Variants in WWOX observed in about 807,000 individuals in gnomAD.
WWOX encodes the protein WW domain-containing oxidoreductase.
In WWOX, 69 loss-of-function variants were observed where a neutral mutation model predicts 46.2. That is an observed-to-expected ratio of 1.49 (90% CI 1.23 to 1.82). WWOX has a LOEUF of 1.82. Among genes scored for constraint, WWOX ranks in the 40% most tolerant of loss-of-function variants. The pLI is 0.00. For missense variants in WWOX, 919 were observed against 542.6 expected (o/e 1.69, Z -6.89); for synonymous variants, 359 against 202.6 (o/e 1.77, Z -6.56).
At chr16:79,074,055 T>C (rs1265952707) in intron 8 of WWOX, among the ~76,000 whole-genome samples, 1 of 152,104 alleles carries the variant, frequency 6.6e-6, no homozygotes, top group Non-Finnish European at 1.5e-5. Flanking sequence ...ATACAGTACT[T>C]CTGCTACGAG....
intron 5 of WWOX, among the ~76,000 whole-genome samples, chr16:78,331,348 T>G (rs1371122177): frequency 6.6e-6 from 1 of 152,210 alleles, no homozygotes; most frequent in African/African-American, 2.4e-5. Flanking sequence ...TGTGTAATTT[T>G]TGCAACTTAT....
At chr16:78,659,429 A>G (rs2047160723) in intron 8 of WWOX, among the ~76,000 whole-genome samples, 1 of 152,068 alleles carries the variant, frequency 6.6e-6, no homozygotes, top group African/African-American at 2.4e-5. Flanking sequence ...CCACCCCGCC[A>G]GACTTCCTGA....
intron 8 of WWOX, among the ~76,000 whole-genome samples, chr16:78,721,233 C>T (rs190116728): frequency 3.9e-4 from 49 of 126,068 alleles, no homozygotes; most frequent in Non-Finnish European, 3.1e-4. Flanking sequence ...TGATATGCCC[C>T]ATGTCTAAGA....
intron 5 of WWOX, among the ~76,000 whole-genome samples, chr16:78,206,152 A>G (rs1319233594): frequency 6.6e-6 from 1 of 152,038 alleles, no homozygotes; most frequent in Admixed American, 6.6e-5. Flanking sequence ...ACTATGTTCT[A>G]TTGGGAACCA....
At chr16:78,347,291 C>A (rs568355547) in intron 5 of WWOX, among the ~76,000 whole-genome samples, 1 of 116,314 alleles carries the variant, frequency 8.6e-6, no homozygotes, top group Non-Finnish European at 2.0e-5. Context: ...AATGCTCCTT[C>A]CCCTGTAGAT....
In WWOX at chr16:78,404,718, G is replaced by A. The variant is rs1490436773; in HGVS notation, c.605+17770G>A. 1.3e-5 allele frequency among the ~76,000 whole-genome samples: 2 copies of A among 152,182 alleles called. 1 individual carries two copies. Among genetic ancestry groups the A allele is most frequent in the African/African-American group, 4.8e-5 (2 of 41,452 alleles). ...AGGGCACTATGTTGAAGTGAGGCTAGTAGGTCATGAGTGTGGTTGAAGTTA... is the reference window on the plus strand; with the variant it reads ...AGGGCACTATGTTGAAGTGAGGCTAATAGGTCATGAGTGTGGTTGAAGTTA... On this transcript the variant is annotated intron_variant, in intron 6 of 8. Transcript: ENST00000566780.
intron 8 of WWOX, among the ~76,000 whole-genome samples, chr16:78,665,032 G>T (rs573534581): frequency 2.6e-5 from 4 of 152,224 alleles, no homozygotes; most frequent in Non-Finnish European, 5.9e-5. Context: ...TCATCAGCCT[G>T]CATCCTGTTC....
intron 8 of WWOX, among the ~76,000 whole-genome samples, chr16:79,111,276 C>G (rs955290257): frequency 6.6e-6 from 1 of 152,238 alleles, no homozygotes; most frequent in Non-Finnish European, 1.5e-5. Flanking sequence ...GACACTGTAT[C>G]TGCAGATTCC....
chr16:79,097,057 G>T (rs554792332), intron 8 of WWOX, among the ~76,000 whole-genome samples: 1 of 151,984 alleles, frequency 6.6e-6, no homozygotes, highest in Non-Finnish European at 1.5e-5. Context: ...AAAAGGTCAG[G>T]TTGGATTTTT....
At chr16:78,415,080 ATATATATAATTATAATACAATAT>A (rs925898405) in intron 6 of WWOX, among the ~76,000 whole-genome samples, 13 of 143,844 alleles carry the variant, frequency 9.0e-5, no homozygotes, top group Non-Finnish European at 1.4e-4. Flanking sequence ...TTTTAATATA[ATATATATAATTATAATACAATAT>A]TATATATAAT....
intron 8 of WWOX, among the ~76,000 whole-genome samples, chr16:79,173,144 T>A (rs2150771838): frequency 6.6e-6 from 1 of 152,350 alleles, no homozygotes; most frequent in South Asian, 2.1e-4. Flanking sequence ...CACACATGTG[T>A]GCCCATGTCT....
rs79540777 is a variant in WWOX at position 78,630,466 on chromosome 16, G to T, written c.1056+197714G>T. On this transcript the variant is annotated intron_variant, in intron 8 of 8. Coordinates refer to ENST00000566780, the MANE Select transcript of WWOX (RefSeq NM_016373.4). ...TATATGCTACAGAGAGGGTGCCTAC[G>T]TGGCCAACTTCCAATAAAAACTGTG... Among the ~76,000 whole-genome samples the T allele has an allele frequency of 3.6e-4, 55 of 152,236 alleles. 1 individual carries two copies. In the East Asian group the frequency reaches 0.01, roughly 28 times the overall value.
At chr16:79,150,822 G>A (rs568211096) in intron 8 of WWOX, among the ~76,000 whole-genome samples, 19 of 152,122 alleles carry the variant, frequency 1.2e-4, no homozygotes, top group Non-Finnish European at 2.6e-4. Context: ...TATCCGATTT[G>A]TAAATGGTGG....
At chr16:78,411,412 A>G (rs1038138899) in intron 6 of WWOX, among the ~76,000 whole-genome samples, 4 of 152,146 alleles carry the variant, frequency 2.6e-5, no homozygotes, top group South Asian at 2.1e-4. Context: ...TTTGAGCAAA[A>G]CCTTGAAGAA....
In WWOX at chr16:78,484,908, C is replaced by T. The variant is rs573092046; in HGVS notation, c.1056+52156C>T. Among the ~76,000 whole-genome samples, 7 of 152,206 alleles carry T rather than the reference C, an allele frequency of 4.6e-5. 1 individual carries two copies. The highest frequency in any genetic ancestry group is 1.4e-4 in the African/African-American group (6 of 41,544). ...ACATCAAGGCTGGGAGGAGGTCTTT[C>T]CACTGGTTTTCCGGGCTGTTTGTGT... On this transcript the variant is annotated intron_variant, in intron 8 of 8. Coordinates refer to ENST00000566780, the MANE Select transcript of WWOX (RefSeq NM_016373.4).
chr16:78,650,397 A>G (rs2046940555), intron 8 of WWOX, among the ~76,000 whole-genome samples: 1 of 152,196 alleles, frequency 6.6e-6, no homozygotes, highest in Non-Finnish European at 1.5e-5. Context: ...AAATGAATAC[A>G]GATTCATTTT....
At chr16:78,432,028 G>A (rs1197875018) in intron 7 of WWOX, among the ~76,000 whole-genome samples, 1 of 151,918 alleles carries the variant, frequency 6.6e-6, no homozygotes, top group Non-Finnish European at 1.5e-5. Context: ...TGTTTATATT[G>A]TTAAATCACC....
chr16:78,685,866 G>T (rs1477811941), intron 8 of WWOX, among the ~76,000 whole-genome samples: 1 of 150,734 alleles, frequency 6.6e-6, no homozygotes, highest in Admixed American at 6.7e-5. Context: ...TGAGAGCAGG[G>T]CCAAGAAAGG....
chr16:78,144,466 C>CGTATATATAT (rs2034109720), intron 4 of WWOX, among the ~76,000 whole-genome samples: 1 of 14,368 alleles, frequency 7.0e-5, no homozygotes, highest in Non-Finnish European at 1.4e-4. Context: ...TATATATACA[C>CGTATATATAT]ACATATATAT....
Sources: gnomAD v4.1 joint callset for allele counts (sites outside exome capture counted in the v4.1 genomes callset) on GRCh38, gnomAD v4.1.1 for gene constraint, MANE v1.5 for transcripts, NCBI Gene and HGNC (gene_info 2026-07-23, HGNC 2026-07-21) for gene names.